The following CDH8 variants were observed in gnomAD, a reference collection of about 807,000 sequenced individuals.
CDH8 encodes cadherin-8.
Under a neutral mutation model 68.1 loss-of-function variants are expected in CDH8, and 17 were observed. The ratio of observed to expected loss-of-function variants is 0.25; its 90% CI spans 0.17 to 0.37. The LOEUF is 0.37. CDH8 is among the 10% of genes least tolerant of loss of function. CDH8 has a pLI of 1.00. For missense variants in CDH8, 763 were observed against 999.3 expected, an observed-to-expected ratio of 0.76 and a Z score of 3.19; for synonymous variants, 372 against 365.1, an observed-to-expected ratio of 1.02 and a Z score of -0.21.
intron 8 of CDH8, among the ~76,000 whole-genome samples, chr16:61,749,251 G>A (rs1446262916): frequency 6.6e-6 from 1 of 151,970 alleles, no homozygotes; most frequent in Admixed American, 6.6e-5. Context: ...AGACCAATAT[G>A]AATGATAAGA....
intron 7 of CDH8, among the ~76,000 whole-genome samples, 161 bp downstream of exon 7, chr16:61,817,315 CACA>C (rs1319135041): frequency 1.8e-3 from 97 of 55,260 alleles, no homozygotes; most frequent in African/African-American, 0.012. Flanking sequence ...GTACACACCA[CACA>C]CACACACACA....
chr16:61,862,197 A>G (rs1465212771), intron 3 of CDH8, among the ~76,000 whole-genome samples: 1 of 151,700 alleles, frequency 6.6e-6, no homozygotes, highest in Non-Finnish European at 1.5e-5. Context: ...TCTTCCATCC[A>G]GTCTACTAAT....
intron 10 of CDH8, among the ~76,000 whole-genome samples, chr16:61,659,666 AT>A: frequency 6.6e-6 from 1 of 151,990 alleles, no homozygotes; most frequent in Admixed American, 6.6e-5. Flanking sequence ...ACTTGAGGCT[AT>A]TTTTTCCCCC....
chr16:61,908,902 G>T (rs966675716), intron 2 of CDH8, among the ~76,000 whole-genome samples: 3 of 152,110 alleles, frequency 2.0e-5, no homozygotes, highest in African/African-American at 4.8e-5. Flanking sequence ...TTTGGAATAT[G>T]CAATGACCCT....
intron 3 of CDH8, among the ~76,000 whole-genome samples, chr16:61,870,379 T>A (rs965865784): frequency 1.3e-5 from 2 of 152,124 alleles, no homozygotes. Context: ...ATGTGTGAAG[T>A]GAGGAGCATT....
intron 2 of CDH8, among the ~76,000 whole-genome samples, chr16:61,950,477 C>T (rs530992525): frequency 6.6e-4 from 101 of 152,210 alleles, no homozygotes; most frequent in African/African-American, 2.3e-3. Flanking sequence ...AGAAGGGATG[C>T]GACTGGGTGT....
chr16:61,833,285 A>C (rs1185531182), intron 4 of CDH8, among the ~76,000 whole-genome samples: 1 of 151,572 alleles, frequency 6.6e-6, no homozygotes, highest in Non-Finnish European at 1.5e-5. Context: ...TGCACATATA[A>C]ATGTAGATAA....
At chr16:61,999,434 A>G (rs2150595311) in intron 2 of CDH8, among the ~76,000 whole-genome samples, 1 of 152,300 alleles carries the variant, frequency 6.6e-6, no homozygotes, top group East Asian at 1.9e-4. Context: ...GTCACAGGCT[A>G]CTTCCACACA....
intron 3 of CDH8, among the ~76,000 whole-genome samples, chr16:61,890,946 C>G (rs1037797139): frequency 6.6e-6 from 1 of 152,124 alleles, no homozygotes; most frequent in African/African-American, 2.4e-5. Flanking sequence ...TGAGACAGCT[C>G]AGACAGCCCT....
chr16:61,967,282 T>C (rs1218557837), intron 2 of CDH8, among the ~76,000 whole-genome samples: 1 of 152,196 alleles, frequency 6.6e-6, no homozygotes, highest in South Asian at 2.1e-4. Flanking sequence ...AAGGTAGACA[T>C]GCCAACATAT....
intron 2 of CDH8, among the ~76,000 whole-genome samples, chr16:61,978,963 AC>A (rs2150581387): frequency 7.6e-6 from 1 of 132,208 alleles, no homozygotes; most frequent in South Asian, 2.8e-4. Context: ...ATATTTATTC[AC>A]AAAATGAGCC....
intron 11 of CDH8, among the ~76,000 whole-genome samples, chr16:61,655,100 T>C (rs773206487): frequency 2.0e-4 from 30 of 152,324 alleles, no homozygotes; most frequent in Non-Finnish European, 3.5e-4. Flanking sequence ...TGAAACACTA[T>C]TGTGGACATA....
At chr16:61,783,526 CAGG>C (rs1961143244) in intron 8 of CDH8, among the ~76,000 whole-genome samples, 1 of 151,470 alleles carries the variant, frequency 6.6e-6, no homozygotes, top group Admixed American at 6.6e-5. Flanking sequence ...GGATATTATC[CAGG>C]AGAACTTCCG....
chr16:61,729,613 A>T (rs1456832966), intron 8 of CDH8, among the ~76,000 whole-genome samples: 1 of 151,240 alleles, frequency 6.6e-6, no homozygotes, highest in Non-Finnish European at 1.5e-5. Context: ...ATTGCCGGTT[A>T]TTCCTTTTAA....
At chr16:61,894,969 A>G (rs934327501) in intron 3 of CDH8, among the ~76,000 whole-genome samples, 2 of 152,162 alleles carry the variant, frequency 1.3e-5, no homozygotes, top group Non-Finnish European at 2.9e-5. Flanking sequence ...AGTCCATTCA[A>G]GTTACTCTTG....
chr16:61,779,352 G>C (rs1960983003), intron 8 of CDH8, among the ~76,000 whole-genome samples: 1 of 150,794 alleles, frequency 6.6e-6, no homozygotes, highest in East Asian at 2.0e-4. Flanking sequence ...TTAAAAAAAA[G>C]AACAAACAAA....
At chr16:61,807,047 C>T (rs1303566849) in intron 7 of CDH8, among the ~76,000 whole-genome samples, 2 of 107,736 alleles carry the variant, frequency 1.9e-5, no homozygotes, top group African/African-American at 3.8e-5. Context: ...GCATTATTCA[C>T]AATAGCAAAG....
chr16:61,792,917 T>C (rs1961412354), intron 7 of CDH8, among the ~76,000 whole-genome samples: 1 of 151,990 alleles, frequency 6.6e-6, no homozygotes, highest in Non-Finnish European at 1.5e-5. Context: ...TGTACTCAAT[T>C]TTCTGAACCC....
chr16:61,984,713 A>T (rs1965597651), intron 2 of CDH8, among the ~76,000 whole-genome samples: 1 of 152,146 alleles, frequency 6.6e-6, no homozygotes, highest in Non-Finnish European at 1.5e-5. Flanking sequence ...AAAAATTTTC[A>T]TTTTAAAGTT....
Sources: gnomAD v4.1 joint callset for allele counts (sites outside exome capture counted in the v4.1 genomes callset) on GRCh38, gnomAD v4.1.1 for gene constraint, MANE v1.5 for transcripts, NCBI Gene and HGNC (gene_info 2026-07-23, HGNC 2026-07-21) for gene names.